Variants in NOTCH4 observed in about 807,000 individuals in gnomAD.
NOTCH4 encodes the protein neurogenic locus notch homolog protein 4.
A neutral mutation model predicts 189.0 loss-of-function variants in NOTCH4; 138 were observed. The observed-to-expected ratio is 0.73, with a 90% CI of 0.64 to 0.84. NOTCH4 has a LOEUF of 0.84. Ranked by LOEUF, NOTCH4 falls within the 40% of genes least tolerant of loss-of-function variation. NOTCH4 has a pLI of 0.00. For synonymous variants in NOTCH4, 942 were observed against 1,032.8 expected (o/e 0.91, Z 1.69); for missense variants, 2,286 against 2,605.4 (o/e 0.88, Z 2.67).
In NOTCH4 at chr6:32,212,899, A is replaced by G; in HGVS notation, c.2451T>C (p.Asn817=). Residue 817 remains asparagine (N), a synonymous_variant, in exon 16 of 30, where the codon AAT becomes AAC. Coordinates refer to ENST00000375023, the MANE Select transcript of NOTCH4 (RefSeq NM_004557.4). This position sits in a 1 kb window ranked among gnomAD's most constrained non-coding sequence, Gnocchi z 4.4. The part of the protein sequence containing the change: ...RPSCADSPCR[N]RATCQDSPQG... ...GAGGGCTGTCCTGGCAGGTTGCCCT[A>G]TTCCTACAGGGGCTGAACAAGACAG... 1 of 1,561,446 alleles carries G rather than the reference A, an allele frequency of 6.4e-7. No individual in the cohort carries two copies. Among genetic ancestry groups the G allele is most frequent in the Non-Finnish European group, 8.7e-7 (1 of 1,152,280 alleles).
Position 32,198,588 on chromosome 6 carries a change from G to A in NOTCH4, c.4618-29C>T, listed in dbSNP as rs747304127. 6.2e-7 allele frequency: 1 copy of A among 1,611,602 alleles called. No individual in the cohort carries two copies. Among genetic ancestry groups the A allele is most frequent in the Non-Finnish European group, 8.5e-7 (1 of 1,179,076 alleles). On this transcript the variant is annotated intron_variant, in intron 25 of 29. Coordinates refer to ENST00000375023, the MANE Select transcript of NOTCH4 (RefSeq NM_004557.4). The surrounding 1 kb of genome is among the most constrained non-coding windows in gnomAD (Gnocchi z 5.5). ...TGGGTAACAGCAAGGATCAGTGAAG[G>A]TTGATTTGCCCTTTCATCCCTTCCA...
In NOTCH4 at chr6:32,198,785, C is replaced by T. The variant is rs1788143178; in HGVS notation, c.4536-55G>A. The stretch of plus-strand genomic sequence containing the variant: ...ACGGAATTATGACCATCAGGGTCTC[C>T]AAAATTTCCAGCAGGCTTCCCACCC... On this transcript the variant is annotated intron_variant, in intron 24 of 29. Coordinates refer to ENST00000375023, the MANE Select transcript of NOTCH4 (RefSeq NM_004557.4). This position sits in a 1 kb window ranked among gnomAD's most constrained non-coding sequence, Gnocchi z 5.5. 1 of 1,538,364 alleles carries T rather than the reference C, an allele frequency of 6.5e-7. No homozygotes were observed. The highest frequency in any genetic ancestry group is 1.4e-5 in the African/African-American group (1 of 72,462).
At chr6:32,197,151 G>C in intron 27 of NOTCH4, 79 bp from the exon 28 acceptor site, 1 of 1,548,794 alleles carries the variant, frequency 6.5e-7, no homozygotes, top group Non-Finnish European at 8.8e-7. Context: ...AACCCCACTC[G>C]CAATCCATAT....
chr6:32,204,192 T>C lies in NOTCH4; in HGVS notation c.3063A>G (p.Ala1021=). The C allele has an allele frequency of 6.2e-7, 1 of 1,612,960 alleles. No homozygotes were observed. Among genetic ancestry groups the C allele is most frequent in the Non-Finnish European group, 8.5e-7 (1 of 1,180,004 alleles). ...LDQPCHPTGT[A]ACHSLANAFY... The stretch of plus-strand genomic sequence containing the variant: ...AGGCATTGGCCAGAGAGTGGCAGGC[T>C]GCAGTGCCTGTGGGGTGGCAGGGCT... Residue 1021 remains alanine (A), a synonymous_variant, in exon 19 of 30, where the codon GCA becomes GCG. Coordinates refer to ENST00000375023, the MANE Select transcript of NOTCH4 (RefSeq NM_004557.4).
rs1246100538 is a variant in NOTCH4, at chr6:32,212,273, A to G, written c.2680+201T>C. ...GGTTGGTGTTGCTTGAATTGCGTTA[A>G]ATGAGGTAACAGGAATTGTGTTAGG... On this transcript the variant is annotated intron_variant, in intron 17 of 29. Coordinates refer to ENST00000375023, the MANE Select transcript of NOTCH4 (RefSeq NM_004557.4). The surrounding 1 kb of genome is among the most constrained non-coding windows in gnomAD (Gnocchi z 4.4). Among the ~76,000 whole-genome samples the G allele has an allele frequency of 6.6e-6, 1 of 152,040 alleles. No individual in the cohort carries two copies. The highest frequency in any genetic ancestry group is 1.5e-5 in the Non-Finnish European group (1 of 68,014).
Position 32,223,452 on chromosome 6 carries a change from G to A in NOTCH4, c.74-366C>T, listed in dbSNP as rs1368312017. Among the ~76,000 whole-genome samples, 3 of 152,102 alleles carry A rather than the reference G, an allele frequency of 2.0e-5. No homozygotes were observed. In the South Asian group the frequency reaches 6.2e-4, roughly 32 times the overall value. On this transcript the variant is annotated intron_variant, in intron 1 of 29. Coordinates refer to ENST00000375023, the MANE Select transcript of NOTCH4 (RefSeq NM_004557.4). ...AAAGGCCGAGCATTGAGCCATCCGG[G>A]GGGTGGGGACAGCTGGACTAAGAAA...
At position 32,199,154 on chromosome 6, in the gene NOTCH4, A is replaced by G. The variant is rs1474993638; in HGVS notation, c.4316-9T>C. 4 of 1,567,010 alleles carry G rather than the reference A, an allele frequency of 2.6e-6. No individual in the cohort carries two copies. Among genetic ancestry groups the G allele is most frequent in the Non-Finnish European group, 3.5e-6 (4 of 1,157,526 alleles). On this transcript the variant is annotated splice_polypyrimidine_tract_variant and intron_variant, in intron 23 of 29. Transcript: ENST00000375023. The surrounding 1 kb of genome is among the most constrained non-coding windows in gnomAD (Gnocchi z 4.9). ...CTGGTTGGCAGGGGGTGCTGGTGGG[A>G]GAGACAGAGTCACAAAGAGAGGCCA...
chr6:32,221,831 A>G lies in NOTCH4; in HGVS notation c.452-506T>C, dbSNP rs1374317910. Among the ~76,000 whole-genome samples, 1 of 152,172 alleles carries G rather than the reference A, an allele frequency of 6.6e-6. No individual in the cohort carries two copies. The highest frequency in any genetic ancestry group is 2.4e-5 in the African/African-American group (1 of 41,424). On this transcript the variant is annotated intron_variant, in intron 3 of 29. Transcript: ENST00000375023. The surrounding 1 kb of genome is among the most constrained non-coding windows in gnomAD (Gnocchi z 4.3). Reference sequence around the variant, plus strand: ...TGAGCTGAGCAAGCATCTCCTGAGCATCGGCCCCTTCTGTCCTCTCAGCAA... The same window carrying G: ...TGAGCTGAGCAAGCATCTCCTGAGCGTCGGCCCCTTCTGTCCTCTCAGCAA...
In NOTCH4 at chr6:32,210,132, A is replaced by G. The variant is rs1788925230; in HGVS notation, c.2865+620T>C. On this transcript the variant is annotated intron_variant, in intron 18 of 29. Coordinates refer to ENST00000375023, the MANE Select transcript of NOTCH4 (RefSeq NM_004557.4). This position sits in a 1 kb window ranked among gnomAD's most constrained non-coding sequence, Gnocchi z 4.8. ...GGAGAAGTTAGGGACATCTTCCTGA[A>G]GAAGATGCCTCCTGAACACCAGCCT... is the stretch of plus-strand genomic sequence containing the variant. Among the ~76,000 whole-genome samples the G allele has an allele frequency of 6.6e-6, 1 of 152,176 alleles. No homozygotes were observed. The highest frequency in any genetic ancestry group is 6.5e-5 in the Admixed American group (1 of 15,272).
intron 8 of NOTCH4, among the ~76,000 whole-genome samples, chr6:32,218,707 C>T (rs942430753): frequency 6.6e-6 from 1 of 152,158 alleles, no homozygotes; most frequent in Non-Finnish European, 1.5e-5. Flanking sequence ...ACAATGTTGT[C>T]CCTTGGGTTA....
In NOTCH4 at chr6:32,214,243, CA is replaced by C; in HGVS notation, c.2033del (p.Val678GlyfsTer15). The C allele has an allele frequency of 6.2e-7, 1 of 1,613,382 alleles. No homozygotes were observed. Among genetic ancestry groups the C allele is most frequent in the Non-Finnish European group, 8.5e-7 (1 of 1,179,732 alleles). On this transcript the variant is annotated frameshift_variant, in exon 13 of 30. Transcript: ENST00000375023. LOFTEE classifies it high-confidence loss of function. Reference sequence around the variant, plus strand: ...CTGGCCCCGTCCAACCCACGTCACACACACATGAGGATCTGGTTGTAAAGAG... The same window carrying C: ...CTGGCCCCGTCCAACCCACGTCACACCACATGAGGATCTGGTTGTAAAGAG... ...HHGHCQRSSC[V>X]CDVGWTGPEC...
rs1419341005 is a variant in NOTCH4 at position 32,217,610 on chromosome 6, A to G, written c.1625-344T>C. 6.6e-6 allele frequency among the ~76,000 whole-genome samples: 1 copy of G among 152,232 alleles called. No individual in the cohort carries two copies. The highest frequency in any genetic ancestry group is 1.5e-5 in the Non-Finnish European group (1 of 68,034). ...ATGGCTAGCCTGGAGTAAGTGGTGA[A>G]TAAGTGTAGTTATTATAATAGCAGG... On this transcript the variant is annotated intron_variant, in intron 9 of 29. Coordinates refer to ENST00000375023, the MANE Select transcript of NOTCH4 (RefSeq NM_004557.4). This position sits in a 1 kb window ranked among gnomAD's most constrained non-coding sequence, Gnocchi z 4.2.
chr6:32,214,069 G>T, intron 13 of NOTCH4, 41 bp downstream of exon 13: 1 of 1,578,568 alleles, frequency 6.3e-7, no homozygotes, highest in Non-Finnish European at 8.6e-7. Context: ...GACATAGGGG[G>T]TGACCAGCAC....
rs1289212690 is a variant in NOTCH4 at position 32,219,769 on chromosome 6, G to T, written c.1333C>A (p.Pro445Thr). 3.1e-6 allele frequency: 5 copies of T among 1,612,692 alleles called. No individual in the cohort carries two copies. Among genetic ancestry groups the T allele is most frequent in the Non-Finnish European group, 4.2e-6 (5 of 1,179,858 alleles). The change falls in exon 8 of 30, where the codon CCC becomes ACC. Residue 445 changes from proline (P) to threonine (T), a missense_variant. Around this residue, in one of 2 missense-constraint regions of NOTCH4, gnomAD observed 1,903 missense variants for 2,261.9 expected, o/e 0.84. Transcript: ENST00000375023. ...AGGCAGGAACCGCCATGTTCACAGG[G>T]ACTTGGGCCTTGCTGGGCTGGGAGG... ...ECLMAQQGPS[P>T]CEHGGSCLNT...
chr6:32,205,541 C>T lies in NOTCH4; in HGVS notation c.2866-1152G>A, dbSNP rs558023104. 3.0e-5 allele frequency among the ~76,000 whole-genome samples: 2 copies of T among 67,188 alleles called. 1 individual carries two copies. The highest frequency in any genetic ancestry group is 1.6e-3 in the South Asian group (2 of 1,286). 44.1% of individuals were successfully genotyped at this position (67,188 alleles called of 152,430 possible). A position where few individuals can be genotyped will look rare whatever the true frequency, so the allele number is the denominator to read the frequency against. On this transcript the variant is annotated intron_variant, in intron 18 of 29. Coordinates refer to ENST00000375023, the MANE Select transcript of NOTCH4 (RefSeq NM_004557.4). ...CTAGCCGGGGCAACAGAGTGAGATG[C>T]TGTCTCAAAAAAAAAAAAAAAAAAA...
chr6:32,216,599 T>G (rs1314852286), intron 11 of NOTCH4: 1 of 419,352 alleles, frequency 2.4e-6, no homozygotes. Context: ...TAAAGTCACA[T>G]GAAGATGGCA....
chr6:32,221,043 T>C lies in NOTCH4; in HGVS notation c.734A>G (p.Asn245Ser). The C allele has an allele frequency of 6.2e-7, 1 of 1,611,172 alleles. No individual in the cohort carries two copies. The highest frequency in any genetic ancestry group is 8.5e-7 in the Non-Finnish European group (1 of 1,178,308). ...TGGCATCAGCTGGCAGGTGCCCCCA[T>C]TCGAACAGCCCCTAGGAGGGCAGGG... ...AGPCPPRGCSNGGTCQLMPEK... is the reference protein window; with the variant it reads ...AGPCPPRGCSSGGTCQLMPEK... The change falls in exon 4 of 30, where the codon AAT becomes AGT. Residue 245 changes from asparagine to serine, a missense_variant. By Grantham distance (46) the Asn-to-Ser change is conservative. Coordinates refer to ENST00000375023, the MANE Select transcript of NOTCH4 (RefSeq NM_004557.4). The surrounding 1 kb of genome is among the most constrained non-coding windows in gnomAD (Gnocchi z 4.3).
At chr6:32,223,757 A>T in intron 1 of NOTCH4, 99 bp downstream of exon 1, 1 of 1,194,858 alleles carries the variant, frequency 8.4e-7, no homozygotes, top group Admixed American at 2.1e-5. Flanking sequence ...TCCATCCAGC[A>T]TCCCTCACAC....
At chr6:32,204,080 C>T in intron 19 of NOTCH4, 57 bp downstream of exon 19, 1 of 1,596,410 alleles carries the variant, frequency 6.3e-7, no homozygotes, top group Non-Finnish European at 8.5e-7. Flanking sequence ...TCTGGCTCTC[C>T]ATGGTCTGCT....
Sources: gnomAD v4.1 joint callset for allele counts (sites outside exome capture counted in the v4.1 genomes callset) on GRCh38, gnomAD v4.1.1 for gene constraint, gnomAD v4.1.1 regional missense constraint, Gnocchi (gnomAD v3.1) non-coding constraint, MANE v1.5 for transcripts, NCBI Gene and HGNC (gene_info 2026-07-23, HGNC 2026-07-21) for gene names.